SECISBP2: variants seen among roughly 807,000 people sequenced by gnomAD.
SECISBP2 encodes selenocysteine insertion sequence-binding protein 2.
Under a neutral mutation model 98.2 loss-of-function variants are expected in SECISBP2, and 96 were observed. The observed-to-expected ratio is 0.98, with a 90% CI of 0.83 to 1.16. SECISBP2 has a LOEUF of 1.16. Ranked by LOEUF, SECISBP2 falls within the 50% of genes most tolerant of loss-of-function variation. The pLI is 0.00. For missense variants in SECISBP2, 1,046 were observed against 1,022.9 expected (o/e 1.02, Z -0.31); for synonymous variants, 407 against 370.2 (o/e 1.10, Z -1.14).
chr9:89,355,152 G>A, intron 14 of SECISBP2: 7 of 985,400 alleles, frequency 7.1e-6, no homozygotes, highest in South Asian at 4.7e-5. Flanking sequence ...ATGGTAGGAC[G>A]TGCATTGGAG....
In SECISBP2 at chr9:89,349,910, C is replaced by T. The variant is rs1831009457; in HGVS notation, c.1873C>T (p.His625Tyr). 1 of 1,614,100 alleles carries T rather than the reference C, an allele frequency of 6.2e-7. No homozygotes were observed. The highest frequency in any genetic ancestry group is 1.7e-5 in the Admixed American group (1 of 60,010). The change falls in exon 13 of 17, where the codon CAC becomes TAC. Residue 625 changes from histidine to tyrosine, a missense_variant. By Grantham distance (83) the His-to-Tyr change is moderately conservative. Coordinates refer to ENST00000375807, the MANE Select transcript of SECISBP2 (RefSeq NM_024077.5). ...CAATCACACCACCTTCCCTAAGATCCACAGCCGCAGATTCAGGGAGTGAGT... is the reference window on the plus strand; with the variant it reads ...CAATCACACCACCTTCCCTAAGATCTACAGCCGCAGATTCAGGGAGTGAGT... ...APNHTTFPKI[H>Y]SRRFRDYCSQ...
At position 89,338,465 on chromosome 9, in the gene SECISBP2, C is replaced by T. The variant is rs1299626146; in HGVS notation, c.1097C>T (p.Ala366Val). ...TTTGATTTTCTGTTCTAGTCTAAAG[C>T]ATCACAAGGTAGTGACCTTGAACAA... ...HIIHPTQKSKASQGSDLEQNE... is the reference protein window; with the variant it reads ...HIIHPTQKSKVSQGSDLEQNE... Residue 366 changes from alanine to valine, a missense_variant, in exon 8 of 17, where the codon GCA (alanine) becomes GTA (valine). Transcript: ENST00000375807. 5 of 1,613,284 alleles carry T rather than the reference C, an allele frequency of 3.1e-6. No homozygotes were observed. In the East Asian group the frequency reaches 1.1e-4, roughly 36 times the overall value.
At chr9:89,362,138 C>CT, downstream of SECISBP2, 1 of 586,570 alleles carries the variant, frequency 1.7e-6, no homozygotes. Flanking sequence ...TGGTTACCTG[C>CT]TTGTGCCAGA....
chr9:89,335,582 C>T (rs1170287764), intron 7 of SECISBP2, among the ~76,000 whole-genome samples: 3 of 152,138 alleles, frequency 2.0e-5, no homozygotes, highest in South Asian at 2.1e-4. Context: ...CCATCCACCT[C>T]GGCCTCCCAA....
intron 15 of SECISBP2, 148 bp from the exon 16 acceptor site, chr9:89,357,851 C>A: frequency 2.1e-6 from 2 of 959,076 alleles, no homozygotes; most frequent in East Asian, 2.6e-5. Flanking sequence ...TCCTCTGGGG[C>A]AGCATCCCTG....
intron 7 of SECISBP2, among the ~76,000 whole-genome samples, chr9:89,337,122 G>A (rs1273306293): frequency 6.6e-6 from 1 of 151,850 alleles, no homozygotes; most frequent in Non-Finnish European, 1.5e-5. Flanking sequence ...TCTCAGAGCC[G>A]GTTTTCCTAA....
intron 14 of SECISBP2, chr9:89,355,730 T>C (rs1831958264): frequency 5.1e-6 from 1 of 195,592 alleles, no homozygotes; most frequent in South Asian, 1.8e-4. Context: ...ATTCTGTATA[T>C]CTCCTGGTTC....
chr9:89,366,974 C>T, the SECISBP2 span: 1 of 151,624 alleles, frequency 6.6e-6, no homozygotes, highest in South Asian at 2.1e-4. Flanking sequence ...ATCATGGGAC[C>T]ACTGACTGCA....
downstream of SECISBP2, chr9:89,362,506 A>C: frequency 6.2e-7 from 1 of 1,613,106 alleles, no homozygotes. Context: ...TCTGTCTCAT[A>C]GCCCATCCCA....
At chr9:89,355,143 T>C in intron 14 of SECISBP2, 1 of 985,450 alleles carries the variant, frequency 1.0e-6, no homozygotes, top group African/African-American at 1.7e-5. Flanking sequence ...TTCCACAGTA[T>C]GGTAGGACGT....
intron 15 of SECISBP2, 134 bp from the exon 16 acceptor site, chr9:89,357,865 C>T: frequency 9.6e-7 from 1 of 1,043,690 alleles, no homozygotes. Flanking sequence ...ATCCCTGGTA[C>T]CCACCCATAA....
intron 8 of SECISBP2, among the ~76,000 whole-genome samples, chr9:89,339,121 C>T (rs997395554): frequency 1.3e-5 from 2 of 152,176 alleles, no homozygotes; most frequent in Non-Finnish European, 1.5e-5. Context: ...CTTAATTTCT[C>T]GTGTGCCTGG....
chr9:89,328,585 T>A lies in SECISBP2; in HGVS notation c.575-75T>A, dbSNP rs77924913. 21,047 of 1,133,782 alleles carry A rather than the reference T, an allele frequency of 0.019. 296 individuals carry two copies. Among genetic ancestry groups the A allele is most frequent in the Middle Eastern group, 0.032 (157 of 4,956 alleles). 70.2% of individuals were successfully genotyped at this position (1,133,782 alleles called of 1,614,324 possible). The stretch of plus-strand genomic sequence containing the variant: ...ATCAATAGCAATAGTCTTTGTACTC[T>A]GCAATTTTTGCTTGCATACTGGTCA... On this transcript the variant is annotated intron_variant, in intron 4 of 16. Transcript: ENST00000375807.
At chr9:89,363,831 C>G (rs773495302), downstream of SECISBP2, 2 of 1,614,002 alleles carry the variant, frequency 1.2e-6, no homozygotes, top group East Asian at 4.5e-5. Flanking sequence ...TCCCTGATGG[C>G]GTCCTGCAGC....
At chr9:89,324,086 T>A (rs1350327495) in intron 2 of SECISBP2, 1 of 152,248 alleles carries the variant, frequency 6.6e-6, no homozygotes. Flanking sequence ...TTTTTTTTTC[T>A]GTCAACTCAT....
At chr9:89,352,194 C>T (rs1027515249) in intron 14 of SECISBP2, among the ~76,000 whole-genome samples, 64 of 152,138 alleles carry the variant, frequency 4.2e-4, no homozygotes, top group Non-Finnish European at 1.6e-4. Context: ...ATTAATGAAA[C>T]CTCATGCCCT....
intron 5 of SECISBP2, 50 bp from the exon 6 acceptor site, chr9:89,332,858 T>A: frequency 7.1e-7 from 1 of 1,411,862 alleles, no homozygotes; most frequent in Non-Finnish European, 1.0e-6. Context: ...TGTTATCTCC[T>A]TGTTTTAATT....
chr9:89,335,347 G>C (rs962232565), intron 7 of SECISBP2, among the ~76,000 whole-genome samples: 2 of 151,120 alleles, frequency 1.3e-5, no homozygotes, highest in Admixed American at 6.6e-5. Context: ...AATAGTCTTT[G>C]TTTTTTAGAT....
chr9:89,330,672 G>T (rs1191979306), intron 5 of SECISBP2, among the ~76,000 whole-genome samples: 3 of 152,214 alleles, frequency 2.0e-5, no homozygotes, highest in Non-Finnish European at 4.4e-5. Context: ...AGAGCTGGGA[G>T]AAGTCAGGCC....
Sources: gnomAD v4.1 joint callset for allele counts (sites outside exome capture counted in the v4.1 genomes callset) on GRCh38, gnomAD v4.1.1 for gene constraint, MANE v1.5 for transcripts, NCBI Gene and HGNC (gene_info 2026-07-23, HGNC 2026-07-21) for gene names.